NFX1: variants seen among roughly 807,000 people sequenced by gnomAD.
NFX1 encodes the protein nuclear transcription factor, X-box binding 1.
In NFX1, 69 loss-of-function variants were observed where a neutral mutation model predicts 137.2. The ratio of observed to expected loss-of-function variants is 0.50; its 90% CI spans 0.41 to 0.61. The LOEUF (loss-of-function observed/expected upper bound fraction) is 0.61, where lower values mean the gene tolerates loss of function less well. Among genes scored for constraint, NFX1 ranks in the 20% least tolerant of loss-of-function variants. The pLI is 0.00. For missense variants in NFX1, 1,167 were observed against 1,391.0 expected, an observed-to-expected ratio of 0.84 and a Z score of 2.56; for synonymous variants, 495 against 474.1, an observed-to-expected ratio of 1.04 and a Z score of -0.57.
At chr9:33,301,162 G>A (rs1821549063) in intron 2 of NFX1, 101 bp from the exon 3 acceptor site, 4 of 1,094,042 alleles carry the variant, frequency 3.7e-6, no homozygotes, top group Non-Finnish European at 5.3e-6. Flanking sequence ...TCTGTGTTTG[G>A]ATTCTTCTCT....
intron 3 of NFX1, among the ~76,000 whole-genome samples, chr9:33,301,809 C>T (rs542300615): frequency 5.3e-5 from 8 of 152,300 alleles, no homozygotes; most frequent in East Asian, 1.9e-4. Flanking sequence ...TGATGGCTCA[C>T]GCCTGTAATC....
chr9:33,352,513 TC>T, intron 16 of NFX1, 132 bp from the exon 17 acceptor site: 5 of 763,282 alleles, frequency 6.6e-6, no homozygotes, highest in Non-Finnish European at 4.7e-6. Flanking sequence ...GTTAGCTTCT[TC>T]CAGCTTGGAG....
chr9:33,352,415 A>G, intron 16 of NFX1: 3 of 636,366 alleles, frequency 4.7e-6, no homozygotes, highest in Middle Eastern at 2.5e-4. Flanking sequence ...AGCCAGGATT[A>G]AGAACAGAGG....
rs1282296311 is a variant in NFX1 at position 33,369,924 on chromosome 9, T to C, written c.3309T>C (p.Asn1103=). ...HQSDKNPGSS[N]LQKITKEPII... ...TTTTCAGGAATCCTGGGAGCAGTAA[T>C]TTACAGAAAATAACCAAGGAGCCAA... Residue 1103 remains asparagine, a synonymous_variant, in exon 24 of 24, where the codon AAT becomes AAC. Coordinates refer to ENST00000379540, the MANE Select transcript of NFX1 (RefSeq NM_002504.6). 5 of 1,613,510 alleles carry C rather than the reference T, an allele frequency of 3.1e-6. No individual in the cohort carries two copies. The highest frequency in any genetic ancestry group is 4.2e-6 in the Non-Finnish European group (5 of 1,179,590).
chr9:33,292,466 T>G (rs1282862201), intron 1 of NFX1, among the ~76,000 whole-genome samples: 1 of 152,232 alleles, frequency 6.6e-6, no homozygotes, highest in Non-Finnish European at 1.5e-5. Flanking sequence ...GGACACCTAC[T>G]GTGCTGCTGT....
intron 4 of NFX1, among the ~76,000 whole-genome samples, chr9:33,303,905 GTCTGTCT>G (rs1381853590): frequency 2.0e-5 from 3 of 151,738 alleles, no homozygotes; most frequent in African/African-American, 7.3e-5. Flanking sequence ...TTTCTTTACT[GTCTGTCT>G]CCCTCCCTGA....
chr9:33,307,276 G>A lies in NFX1; in HGVS notation c.1353G>A (p.Gln451=), dbSNP rs372917152. The change falls in exon 5 of 24, where the codon CAG becomes CAA. Residue 451 remains glutamine (Q), a synonymous_variant. Coordinates refer to ENST00000379540, the MANE Select transcript of NFX1 (RefSeq NM_002504.6). Reference sequence around the variant, plus strand: ...TTTGTAGAAAGAAACAGCCTGGCCAGGACTGCCCACATTCCTGTAACCTGT... The same window carrying A: ...TTTGTAGAAAGAAACAGCCTGGCCAAGACTGCCCACATTCCTGTAACCTGT... The part of the protein sequence containing the change: ...GEVCRKKQPG[Q]DCPHSCNLLC... 3.2e-5 allele frequency: 52 copies of A among 1,613,934 alleles called. No homozygotes were observed. In the African/African-American group the frequency reaches 6.8e-4, roughly 21 times the overall value.
chr9:33,319,259 G>T, intron 9 of NFX1, 132 bp downstream of exon 9: 2 of 757,474 alleles, frequency 2.6e-6, no homozygotes, highest in Non-Finnish European at 2.1e-6. Context: ...TCATATTTAT[G>T]TAGGTACGTT....
At chr9:33,330,549 G>C (rs147998917) in intron 10 of NFX1, among the ~76,000 whole-genome samples, 1 of 152,278 alleles carries the variant, frequency 6.6e-6, no homozygotes, top group Non-Finnish European at 1.5e-5. Context: ...GCTGTGATTT[G>C]GCAATCATAA....
At chr9:33,340,725 A>T (rs1008760039) in intron 12 of NFX1, among the ~76,000 whole-genome samples, 6 of 152,196 alleles carry the variant, frequency 3.9e-5, no homozygotes, top group Admixed American at 1.3e-4. Context: ...ATGCTTCGCT[A>T]CTTAGAAATT....
chr9:33,346,989 A>G lies in NFX1; in HGVS notation c.2345-49A>G, dbSNP rs761497155. ...ACTTATATGATGTATAATGGTTTAC[A>G]TGGCTTTATTTAGAAAGTATTCCTA... On this transcript the variant is annotated intron_variant, in intron 14 of 23. Transcript: ENST00000379540. 2.7e-6 allele frequency: 4 copies of G among 1,477,062 alleles called. No homozygotes were observed. In the South Asian group the frequency reaches 3.5e-5, roughly 13 times the overall value. 91.5% of individuals were successfully genotyped at this position (1,477,062 alleles called of 1,614,324 possible). A position where few individuals can be genotyped will look rare whatever the true frequency, so the allele number is the denominator to read the frequency against.
chr9:33,344,865 A>G (rs915791489), intron 14 of NFX1, among the ~76,000 whole-genome samples: 2 of 147,786 alleles, frequency 1.4e-5, no homozygotes, highest in Non-Finnish European at 1.5e-5. Flanking sequence ...ACTCTGTCTC[A>G]AAAAAGAAAA....
intron 17 of NFX1, among the ~76,000 whole-genome samples, chr9:33,353,237 A>G (rs551168204): frequency 1.3e-5 from 2 of 152,198 alleles, no homozygotes; most frequent in South Asian, 4.1e-4. Context: ...GATGTCCTGA[A>G]GTTAGGTGAA....
chr9:33,368,246 A>AT (rs2118712507), intron 23 of NFX1, among the ~76,000 whole-genome samples: 1 of 152,148 alleles, frequency 6.6e-6, no homozygotes, highest in African/African-American at 2.4e-5. Flanking sequence ...CAAAAAAAAA[A>AT]GAATAGTTAC....
At position 33,294,568 on chromosome 9, in the gene NFX1, G is replaced by C. The variant is rs765060950; in HGVS notation, c.174G>C (p.Arg58Ser). The C allele has an allele frequency of 5.6e-6, 9 of 1,614,142 alleles. No homozygotes were observed. Among genetic ancestry groups the C allele is most frequent in the Non-Finnish European group, 6.8e-6 (8 of 1,180,038 alleles). Reference sequence around the variant, plus strand: ...CACCACCTCCCTGTCACCTTTCCAGGCAGGTCCCTTATGATGAAATCTCTG... The same window carrying C: ...CACCACCTCCCTGTCACCTTTCCAGCCAGGTCCCTTATGATGAAATCTCTG... ...YSSPPPCHLS[R>S]QVPYDEISAV... Residue 58 changes from arginine (R) to serine (S), a missense_variant, in exon 2 of 24, where the codon AGG becomes AGC. Around this residue, in one of 3 missense-constraint regions of NFX1, gnomAD observed 367 missense variants for 386.7 expected, o/e 0.95. Coordinates refer to ENST00000379540, the MANE Select transcript of NFX1 (RefSeq NM_002504.6).
At chr9:33,297,951 T>C (rs556744708) in intron 2 of NFX1, among the ~76,000 whole-genome samples, 3 of 152,322 alleles carry the variant, frequency 2.0e-5, no homozygotes, top group Non-Finnish European at 2.9e-5. Context: ...TAGAATTCTA[T>C]TTAACAAATC....
At chr9:33,339,927 C>G (rs1231179523) in intron 12 of NFX1, among the ~76,000 whole-genome samples, 1 of 152,254 alleles carries the variant, frequency 6.6e-6, no homozygotes, top group African/African-American at 2.4e-5. Flanking sequence ...TTGGACAGCT[C>G]CGCCCATGTG....
chr9:33,318,602 G>A, intron 7 of NFX1, 129 bp from the exon 8 acceptor site: 2 of 784,252 alleles, frequency 2.6e-6, no homozygotes, highest in South Asian at 3.3e-5. Context: ...TACTCTATTT[G>A]GCCTCCCAGA....
At chr9:33,292,288 A>G (rs1486602409) in intron 1 of NFX1, among the ~76,000 whole-genome samples, 1 of 152,142 alleles carries the variant, frequency 6.6e-6, no homozygotes. Context: ...CCATGTTCGT[A>G]TTTTAGCATC....
Sources: gnomAD v4.1 joint callset for allele counts (sites outside exome capture counted in the v4.1 genomes callset) on GRCh38, gnomAD v4.1.1 for gene constraint, gnomAD v4.1.1 regional missense constraint, MANE v1.5 for transcripts, NCBI Gene and HGNC (gene_info 2026-07-23, HGNC 2026-07-21) for gene names.